Variants in GRIK4 observed in about 807,000 individuals in gnomAD.
GRIK4 encodes the protein glutamate ionotropic receptor kainate type subunit 4, also known as glutamate receptor ionotropic, kainate 4.
GRIK4 carries 40 observed loss-of-function variants against 104.9 expected under a neutral mutation model. That is an observed-to-expected ratio of 0.38 (90% CI 0.30 to 0.50). The LOEUF is 0.50. Ranked by LOEUF, GRIK4 falls within the 20% of genes least tolerant of loss-of-function variation. The pLI is 0.93. For synonymous variants in GRIK4, 485 were observed against 524.9 expected (o/e 0.92, Z 1.04); for missense variants, 1,047 against 1,308.1 (o/e 0.80, Z 3.08).
intron 3 of GRIK4, 47 bp from the exon 4 acceptor site, chr11:120,802,646 A>G (rs747715967): frequency 2.6e-5 from 40 of 1,531,522 alleles, no homozygotes; most frequent in Non-Finnish European, 3.5e-5. Flanking sequence ...GGAGGGTAAC[A>G]GTAGCGGTGG....
intron 4 of GRIK4, among the ~76,000 whole-genome samples, chr11:120,806,771 T>C (rs967512279): frequency 2.0e-5 from 3 of 152,124 alleles, no homozygotes; most frequent in Non-Finnish European, 2.9e-5. Context: ...AATCAAAGAT[T>C]ATGAAGTGTA....
chr11:120,629,603 C>G (rs898123016), intron 1 of GRIK4, among the ~76,000 whole-genome samples: 2 of 152,010 alleles, frequency 1.3e-5, no homozygotes, highest in African/African-American at 2.4e-5. Flanking sequence ...CTGGCCAATC[C>G]CTGTCCCCAA....
chr11:120,784,607 G>A (rs780519059), intron 3 of GRIK4, among the ~76,000 whole-genome samples: 1 of 152,118 alleles, frequency 6.6e-6, no homozygotes, highest in East Asian at 1.9e-4. Context: ...TGGTCCTATG[G>A]CTTAGGGTCA....
At chr11:120,624,674 A>G (rs957120202) in intron 1 of GRIK4, among the ~76,000 whole-genome samples, 1 of 152,132 alleles carries the variant, frequency 6.6e-6, no homozygotes, top group Non-Finnish European at 1.5e-5. Context: ...GGCATTCTCT[A>G]GAGCACCTTG....
intron 1 of GRIK4, among the ~76,000 whole-genome samples, chr11:120,611,783 C>G (rs572683768): frequency 1.3e-5 from 2 of 152,206 alleles, no homozygotes; most frequent in Admixed American, 6.5e-5. Context: ...TCCCTTCCCC[C>G]GCAGCATCAG....
intron 1 of GRIK4, among the ~76,000 whole-genome samples, chr11:120,642,728 C>T (rs978458399): frequency 2.6e-5 from 4 of 152,190 alleles, no homozygotes; most frequent in Admixed American, 2.6e-4. Flanking sequence ...CAGCAGCGGC[C>T]TTGGGTTCTC....
chr11:120,898,756 C>A, intron 12 of GRIK4, 117 bp downstream of exon 12: 2 of 652,104 alleles, frequency 3.1e-6, no homozygotes, highest in South Asian at 1.8e-5. Context: ...GCACTGAGCC[C>A]AATTTATGAC....
At chr11:120,921,159 G>A (rs748485819) in intron 13 of GRIK4, among the ~76,000 whole-genome samples, 10 of 152,122 alleles carry the variant, frequency 6.6e-5, no homozygotes, top group Non-Finnish European at 7.4e-5. Context: ...ACATTACCCT[G>A]TTTTATGATC....
At chr11:120,923,591 T>G (rs910902376) in intron 13 of GRIK4, among the ~76,000 whole-genome samples, 1 of 151,844 alleles carries the variant, frequency 6.6e-6, no homozygotes, top group Non-Finnish European at 1.5e-5. Context: ...TTTTTTGTAT[T>G]TGTAGTAGAG....
intron 19 of GRIK4, among the ~76,000 whole-genome samples, chr11:120,969,238 G>A (rs778870712): frequency 1.8e-4 from 28 of 152,252 alleles, no homozygotes; most frequent in African/African-American, 3.1e-4. Context: ...GGTGAAGTGC[G>A]GAGATTACTT....
At chr11:120,663,398 C>A (rs1949852782) in intron 3 of GRIK4, among the ~76,000 whole-genome samples, 1 of 152,200 alleles carries the variant, frequency 6.6e-6, no homozygotes, top group Non-Finnish European at 1.5e-5. Context: ...GTGCTGGTAT[C>A]CTTGACTCCT....
intron 1 of GRIK4, among the ~76,000 whole-genome samples, chr11:120,563,822 C>T (rs903628156): frequency 6.6e-5 from 10 of 152,242 alleles, no homozygotes; most frequent in African/African-American, 2.4e-4. Flanking sequence ...CCTGCTGTTT[C>T]ACTGCTGTTT....
chr11:120,561,885 T>G (rs969428213), intron 1 of GRIK4, among the ~76,000 whole-genome samples: 1 of 152,228 alleles, frequency 6.6e-6, no homozygotes, highest in African/African-American at 2.4e-5. Flanking sequence ...GGAGTGTGAC[T>G]TGGTCAAAAG....
chr11:120,523,371 G>A (rs1289598440), intron 1 of GRIK4, among the ~76,000 whole-genome samples: 1 of 152,064 alleles, frequency 6.6e-6, no homozygotes, highest in African/African-American at 2.4e-5. Flanking sequence ...GAGCTGTGGG[G>A]TGGCGGCTGC....
At chr11:120,896,995 A>ATG (rs1319602265) in intron 11 of GRIK4, among the ~76,000 whole-genome samples, 2 of 152,180 alleles carry the variant, frequency 1.3e-5, no homozygotes, top group African/African-American at 4.8e-5. Flanking sequence ...GTATATAGAT[A>ATG]TGTGTGTGTG....
intron 3 of GRIK4, among the ~76,000 whole-genome samples, chr11:120,704,632 C>G (rs1032799821): frequency 2.0e-5 from 3 of 151,992 alleles, no homozygotes; most frequent in African/African-American, 7.3e-5. Flanking sequence ...GCTGTTGTGT[C>G]TAGAACAGGG....
rs1170496795 is a variant in GRIK4, at chr11:120,570,431, G to A, written c.-159+58544G>A. On this transcript the variant is annotated intron_variant, in intron 1 of 20. Coordinates refer to ENST00000527524, the MANE Select transcript of GRIK4 (RefSeq NM_014619.5). ...GTGCATTGCTATATTTTAATGTATC[G>A]ATTGCATACATTATCAGTTGACTTT... Among the ~76,000 whole-genome samples the A allele has an allele frequency of 2.0e-5, 3 of 151,886 alleles. 1 individual carries two copies. Among genetic ancestry groups the A allele is most frequent in the East Asian group, 3.9e-4 (2 of 5,170 alleles).
chr11:120,582,089 G>A lies in GRIK4; in HGVS notation c.-159+70202G>A, dbSNP rs1291777999. Among the ~76,000 whole-genome samples, 7 of 151,958 alleles carry A rather than the reference G, an allele frequency of 4.6e-5. 1 individual carries two copies. The highest frequency in any genetic ancestry group is 1.7e-4 in the African/African-American group (7 of 41,250). ...CCCAAAGTGCTGGGATTACAGGCAT[G>A]AGCCACCGCGCCCAGCCTGAATGGA... On this transcript the variant is annotated intron_variant, in intron 1 of 20. Transcript: ENST00000527524.
At chr11:120,772,452 TTGGGGA>T (rs1409161053) in intron 3 of GRIK4, among the ~76,000 whole-genome samples, 1 of 152,106 alleles carries the variant, frequency 6.6e-6, no homozygotes, top group Non-Finnish European at 1.5e-5. Flanking sequence ...TAAGTAAGTA[TTGGGGA>T]TGACAAGAGG....
Sources: gnomAD v4.1 joint callset for allele counts (sites outside exome capture counted in the v4.1 genomes callset) on GRCh38, gnomAD v4.1.1 for gene constraint, MANE v1.5 for transcripts, NCBI Gene and HGNC (gene_info 2026-07-23, HGNC 2026-07-21) for gene names.